Variants in CEP128 observed in about 807,000 individuals in gnomAD.
CEP128 encodes centrosomal protein 128.
CEP128 carries 132 observed loss-of-function variants against 156.7 expected under a neutral mutation model. The observed-to-expected ratio is 0.84, with a 90% CI of 0.73 to 0.97. CEP128 has a LOEUF of 0.97. Among genes scored for constraint, CEP128 ranks in the 50% least tolerant of loss-of-function variants. The pLI, the probability that CEP128 is intolerant of heterozygous loss-of-function variation, is 0.00. For missense variants in CEP128, 1,252 were observed against 1,281.9 expected (o/e 0.98, Z 0.36); for synonymous variants, 469 against 448.9 (o/e 1.04, Z -0.57).
chr14:80,874,664 C>T (rs1363746118), intron 8 of CEP128, among the ~76,000 whole-genome samples: 1 of 152,184 alleles, frequency 6.6e-6, no homozygotes, highest in Non-Finnish European at 1.5e-5. Context: ...GTCGCCCAGG[C>T]TGGAGTGCAG....
At chr14:80,504,290 GT>G (rs1170344926) in intron 24 of CEP128, among the ~76,000 whole-genome samples, 1 of 152,156 alleles carries the variant, frequency 6.6e-6, no homozygotes, top group Admixed American at 6.5e-5. Context: ...AAGAAAAATT[GT>G]AGCACACTGT....
rs535329812 is a variant in CEP128 at position 80,917,262 on chromosome 14, A to T, written c.-15-700T>A. Among the ~76,000 whole-genome samples, 9 of 152,224 alleles carry T rather than the reference A, an allele frequency of 5.9e-5. No individual in the cohort carries two copies. The South Asian group carries it at 6.2e-4, about 11-fold the overall frequency. On this transcript the variant is annotated intron_variant, in intron 2 of 24. Transcript: ENST00000555265. The stretch of plus-strand genomic sequence containing the variant: ...ACCTCAGTTTTCTATTTAATACATT[A>T]AAAAAAATTATTTCATGCAAAGGAA...
chr14:80,866,043 C>T (rs187418241), intron 8 of CEP128, among the ~76,000 whole-genome samples: 144 of 152,218 alleles, frequency 9.5e-4, no homozygotes, highest in African/African-American at 3.3e-3. Flanking sequence ...ATTGTACATA[C>T]CCAGACACCA....
intron 19 of CEP128, among the ~76,000 whole-genome samples, chr14:80,653,536 G>A (rs541148755): frequency 1.3e-5 from 2 of 152,232 alleles, no homozygotes; most frequent in East Asian, 3.9e-4. Flanking sequence ...GCCTTATGTT[G>A]AAAGAAGATG....
intron 5 of CEP128, 63 bp downstream of exon 5, chr14:80,905,892 A>G: frequency 6.6e-7 from 1 of 1,526,594 alleles, no homozygotes; most frequent in Non-Finnish European, 9.0e-7. Context: ...CCAAAAATTA[A>G]ATGTATTCAA....
chr14:80,943,943 G>A (rs1180790003), upstream of CEP128, among the ~76,000 whole-genome samples: 1 of 150,684 alleles, frequency 6.6e-6, no homozygotes, highest in African/African-American at 2.4e-5. Flanking sequence ...GCAGTGAGCT[G>A]AGATGGTGCC....
chr14:80,831,135 A>C lies in CEP128; in HGVS notation c.1209+8T>G, dbSNP rs1885769537. On this transcript the variant is annotated splice_region_variant and intron_variant, in intron 13 of 24. Transcript: ENST00000555265. ...ATTTCGAATATGACTTAAAAAGAGC[A>C]AAGTCACCTCTACTTGTGATGCCAA... The C allele has an allele frequency of 1.9e-6, 3 of 1,613,310 alleles. No individual in the cohort carries two copies. The highest frequency in any genetic ancestry group is 4.5e-5 in the East Asian group (2 of 44,866).
chr14:80,766,807 A>G (rs1330731082), intron 16 of CEP128, among the ~76,000 whole-genome samples: 2 of 152,134 alleles, frequency 1.3e-5, no homozygotes, highest in Non-Finnish European at 2.9e-5. Context: ...ACATACGTCA[A>G]CAAAGGGTAG....
intron 7 of CEP128, 77 bp downstream of exon 7, chr14:80,899,861 T>A (rs556455036): frequency 9.7e-7 from 1 of 1,033,108 alleles, no homozygotes; most frequent in South Asian, 1.4e-5. Flanking sequence ...AAAATCTAGA[T>A]AAATATGTCA....
chr14:80,930,364 C>T (rs1885391535), intron 2 of CEP128, among the ~76,000 whole-genome samples: 1 of 152,172 alleles, frequency 6.6e-6, no homozygotes, highest in Non-Finnish European at 1.5e-5. Context: ...CCACTTCTGT[C>T]CATACCTCTT....
intron 17 of CEP128, 147 bp from the exon 18 acceptor site, chr14:80,757,098 G>C: frequency 1.7e-6 from 1 of 577,328 alleles, no homozygotes; most frequent in Non-Finnish European, 3.1e-6. Context: ...TACTCAACCA[G>C]TTCCAAACTA....
intron 9 of CEP128, among the ~76,000 whole-genome samples, chr14:80,856,025 G>C (rs10133039): frequency 0.065 from 9,935 of 152,042 alleles, 1,083 homozygotes; most frequent in African/African-American, 0.23. Flanking sequence ...TTCTTCATTA[G>C]GTTTTTCCAA....
At chr14:80,735,768 T>G (rs1898498280) in intron 19 of CEP128, among the ~76,000 whole-genome samples, 1 of 152,152 alleles carries the variant, frequency 6.6e-6, no homozygotes. Context: ...TGGGGAAGAA[T>G]CCATTTCCTT....
At chr14:80,553,636 A>G (rs1191248462) in intron 21 of CEP128, among the ~76,000 whole-genome samples, 1 of 152,196 alleles carries the variant, frequency 6.6e-6, no homozygotes, top group African/African-American at 2.4e-5. Context: ...TCTTCTCTAT[A>G]AAGCACTTGT....
chr14:80,690,048 T>G (rs949737599), intron 19 of CEP128, among the ~76,000 whole-genome samples: 1 of 152,000 alleles, frequency 6.6e-6, no homozygotes, highest in Non-Finnish European at 1.5e-5. Context: ...TTCTAACCCC[T>G]TCCACTTGCT....
intron 8 of CEP128, among the ~76,000 whole-genome samples, chr14:80,895,138 C>T (rs1173875462): frequency 3.3e-5 from 5 of 151,924 alleles, no homozygotes; most frequent in Non-Finnish European, 7.4e-5. Flanking sequence ...TACCTTAATT[C>T]CACCAAGGAT....
At chr14:80,527,770 G>A (rs565905208) in intron 22 of CEP128, among the ~76,000 whole-genome samples, 2 of 151,996 alleles carry the variant, frequency 1.3e-5, no homozygotes, top group African/African-American at 4.8e-5. Flanking sequence ...CTATTATGTC[G>A]CATAGATTTT....
At chr14:80,623,268 A>T (rs1002193049) in intron 19 of CEP128, among the ~76,000 whole-genome samples, 12 of 142,532 alleles carry the variant, frequency 8.4e-5, no homozygotes, top group African/African-American at 2.8e-4. Flanking sequence ...ATGAGAACAC[A>T]TGGACACAGG....
intron 16 of CEP128, among the ~76,000 whole-genome samples, chr14:80,769,100 G>T (rs1289588021): frequency 1.3e-5 from 2 of 152,066 alleles, no homozygotes; most frequent in Non-Finnish European, 2.9e-5. Flanking sequence ...ATGGACAAGG[G>T]AACAAACAAC....
Sources: gnomAD v4.1 joint callset for allele counts (sites outside exome capture counted in the v4.1 genomes callset) on GRCh38, gnomAD v4.1.1 for gene constraint, MANE v1.5 for transcripts, NCBI Gene and HGNC (gene_info 2026-07-23, HGNC 2026-07-21) for gene names.